Variants in ANKHD1 observed in about 807,000 individuals in gnomAD.
ANKHD1 encodes ankyrin repeat and KH domain containing 1, also known as ankyrin repeat and KH domain-containing protein 1.
In ANKHD1, 31 loss-of-function variants were observed where a neutral mutation model predicts 230.5. The observed-to-expected ratio is 0.13, with a 90% CI of 0.10 to 0.18. The LOEUF (loss-of-function observed/expected upper bound fraction) is 0.18. Ranked by LOEUF, ANKHD1 falls within the 10% of genes least tolerant of loss-of-function variation. The pLI is 1.00. For synonymous variants in ANKHD1, 1,074 were observed against 1,117.6 expected (o/e 0.96, Z 0.78); for missense variants, 2,256 against 3,071.3 (o/e 0.73, Z 6.27).
At chr5:140,491,306 G>A (rs1751795467) in intron 14 of ANKHD1, among the ~76,000 whole-genome samples, 1 of 150,180 alleles carries the variant, frequency 6.7e-6, no homozygotes, top group Non-Finnish European at 1.5e-5. Context: ...TGGGACTACA[G>A]GTGCCCTGCC....
At chr5:140,407,289 C>T (rs1416158416) in intron 1 of ANKHD1, among the ~76,000 whole-genome samples, 2 of 86,650 alleles carry the variant, frequency 2.3e-5, no homozygotes, top group Non-Finnish European at 4.5e-5. Context: ...AGTGAGACTC[C>T]ATCTCCAAAA....
In ANKHD1 at chr5:140,468,052, C is replaced by CTTTT. The variant is rs869172143; in HGVS notation, c.1782+3313_1782+3316dup. ...AGTTTAAGGTTTAAGTGTACTAATT[C>CTTTT]TTTTTTTTTTTTTTTTTTTTTTTTT... On this transcript the variant is annotated intron_variant, in intron 10 of 33. Transcript: ENST00000360839. Among the ~76,000 whole-genome samples the CTTTT allele has an allele frequency of 9.3e-4, 49 of 52,410 alleles. 7 individuals carry two copies. Among genetic ancestry groups the CTTTT allele is most frequent in the East Asian group, 1.3e-3 (2 of 1,574 alleles). The allele number at this position is 52,410 out of a possible 152,430, so 34.4% of individuals were successfully genotyped here. A position where few individuals can be genotyped will look rare whatever the true frequency, so the allele number is the denominator to read the frequency against.
intron 1 of ANKHD1, among the ~76,000 whole-genome samples, chr5:140,414,805 C>A (rs1310286288): frequency 6.6e-6 from 1 of 151,000 alleles, no homozygotes; most frequent in African/African-American, 2.4e-5. Context: ...TCACTGCACT[C>A]CAGCCTGGGT....
chr5:140,485,982 G>T lies in ANKHD1; in HGVS notation c.2142+250G>T, dbSNP rs1751483904. ...TCAAATATAAACGTAAGTATTCTAA[G>T]TTGTTATCTTATTACAACTAGGTTT... is the stretch of plus-strand genomic sequence containing the variant. On this transcript the variant is annotated intron_variant, in intron 13 of 33. Transcript: ENST00000360839. This position sits in a 1 kb window ranked among gnomAD's most constrained non-coding sequence, Gnocchi z 4.8. The T allele has an allele frequency of 1.4e-5, 6 of 429,374 alleles. No individual in the cohort carries two copies. The highest frequency in any genetic ancestry group is 4.5e-5 in the Admixed American group (1 of 22,376). 26.6% of individuals were successfully genotyped at this position (429,374 alleles called of 1,614,324 possible).
chr5:140,460,212 A>T (rs1194223396), intron 9 of ANKHD1, among the ~76,000 whole-genome samples: 1 of 152,164 alleles, frequency 6.6e-6, no homozygotes, highest in Non-Finnish European at 1.5e-5. Flanking sequence ...CTTTATTATT[A>T]AGCTGTGGTA....
At chr5:140,420,946 A>T (rs951102457) in intron 1 of ANKHD1, among the ~76,000 whole-genome samples, 3 of 152,224 alleles carry the variant, frequency 2.0e-5, no homozygotes, top group African/African-American at 7.2e-5. Context: ...CTTCCATAAC[A>T]TTCTAGCTCT....
chr5:140,501,643 G>A (rs1438015959), intron 15 of ANKHD1, among the ~76,000 whole-genome samples: 1 of 151,840 alleles, frequency 6.6e-6, no homozygotes, highest in African/African-American at 2.4e-5. Flanking sequence ...CCAGCTACTC[G>A]GGAGGCTGAG....
chr5:140,502,732 T>C (rs1461993033), intron 15 of ANKHD1, among the ~76,000 whole-genome samples: 1 of 152,146 alleles, frequency 6.6e-6, no homozygotes, highest in African/African-American at 2.4e-5. Context: ...GTATCTGCTT[T>C]TAACTCATTG....
intron 5 of ANKHD1, among the ~76,000 whole-genome samples, chr5:140,443,098 G>A (rs1197542460): frequency 6.6e-6 from 1 of 151,472 alleles, no homozygotes; most frequent in Non-Finnish European, 1.5e-5. Context: ...GTAGAGACGG[G>A]GTTTCACCGT....
At chr5:140,446,606 C>G (rs1031123812) in intron 6 of ANKHD1, among the ~76,000 whole-genome samples, 1 of 152,078 alleles carries the variant, frequency 6.6e-6, no homozygotes, top group African/African-American at 2.4e-5. Flanking sequence ...AGTGATCCTC[C>G]TGCCTCAGCC....
At chr5:140,430,120 G>A (rs1772920842) in intron 1 of ANKHD1, among the ~76,000 whole-genome samples, 1 of 152,000 alleles carries the variant, frequency 6.6e-6, no homozygotes, top group African/African-American at 2.4e-5. Flanking sequence ...CTTGTTTTTT[G>A]TTTTTTGTTT....
intron 15 of ANKHD1, among the ~76,000 whole-genome samples, chr5:140,503,032 T>C (rs191171050): frequency 6.6e-6 from 1 of 152,336 alleles, no homozygotes; most frequent in East Asian, 1.9e-4. Flanking sequence ...TGCTCACTTA[T>C]TTAAACTAGT....
Position 140,440,111 on chromosome 5 carries a change from GT to G in ANKHD1, c.618-5del, listed in dbSNP as rs1318374786. ...TTTCGGTTAATTGTTGAATGGTTTTGTTTCCAGTCGCAGTCTAGCAGAAGCT... is the reference window on the plus strand; with the variant it reads ...TTTCGGTTAATTGTTGAATGGTTTTGTTCCAGTCGCAGTCTAGCAGAAGCT... On this transcript the variant is annotated splice_polypyrimidine_tract_variant and splice_region_variant and intron_variant, in intron 3 of 33. Coordinates refer to ENST00000360839, the MANE Select transcript of ANKHD1 (RefSeq NM_017747.3). 6 of 1,594,858 alleles carry G rather than the reference GT, an allele frequency of 3.8e-6. No individual in the cohort carries two copies. Among genetic ancestry groups the G allele is most frequent in the Middle Eastern group, 1.7e-4 (1 of 6,012 alleles).
intron 30 of ANKHD1, 148 bp from the exon 31 acceptor site, chr5:140,537,241 G>T: frequency 7.4e-7 from 1 of 1,351,718 alleles, no homozygotes; most frequent in East Asian, 2.7e-5. Context: ...TTTCTTTACA[G>T]AACTTATGTT....
At chr5:140,440,363 G>A in intron 4 of ANKHD1, 97 bp downstream of exon 4, 2 of 1,429,994 alleles carry the variant, frequency 1.4e-6, no homozygotes, top group Non-Finnish European at 1.8e-6. Context: ...TTAGAGGCCA[G>A]AGTCTTCTCT....
At chr5:140,482,533 G>A in intron 10 of ANKHD1, 47 bp from the exon 11 acceptor site, 1 of 1,593,170 alleles carries the variant, frequency 6.3e-7, no homozygotes, top group Non-Finnish European at 8.6e-7. Flanking sequence ...AAAATAGATG[G>A]TTAGACTGTT....
chr5:140,444,153 G>A (rs1774094583), intron 5 of ANKHD1, among the ~76,000 whole-genome samples: 1 of 136,234 alleles, frequency 7.3e-6, no homozygotes, highest in Non-Finnish European at 1.5e-5. Flanking sequence ...TATATACCAT[G>A]CAGTAAGCAC....
chr5:140,492,470 A>G (rs1835963), intron 14 of ANKHD1, among the ~76,000 whole-genome samples: 147,641 of 152,288 alleles, frequency 0.97, 71,593 homozygotes, highest in East Asian at 1. Flanking sequence ...TTTCATTTTT[A>G]ACTATGACCA....
intron 10 of ANKHD1, among the ~76,000 whole-genome samples, chr5:140,475,824 C>T (rs1750935646): frequency 1.3e-5 from 2 of 152,218 alleles, no homozygotes; most frequent in Admixed American, 6.5e-5. Context: ...AACAAAACAC[C>T]TCCCATCAAA....
Sources: allele counts gnomAD v4.1 joint callset (sites outside exome capture counted in the v4.1 genomes callset), GRCh38; gene constraint gnomAD v4.1.1; non-coding constraint Gnocchi (gnomAD v3.1); transcripts MANE v1.5; gene names NCBI Gene and HGNC (gene_info 2026-07-23, HGNC 2026-07-21).